The following NOL4 variants were observed in gnomAD, a reference collection of about 807,000 sequenced individuals.
The protein encoded by NOL4 is nucleolar protein 4.
Under a neutral mutation model 75.9 loss-of-function variants are expected in NOL4, and 17 were observed. The ratio of observed to expected loss-of-function variants is 0.22; its 90% CI spans 0.15 to 0.34. The LOEUF is 0.34. Ranked by LOEUF, NOL4 falls within the 10% of genes least tolerant of loss-of-function variation. The pLI is 1.00. For synonymous variants in NOL4, 292 were observed against 289.9 expected (o/e 1.01, Z -0.07); for missense variants, 614 against 793.5 (o/e 0.77, Z 2.72).
intron 4 of NOL4, among the ~76,000 whole-genome samples, chr18:34,097,666 T>C (rs917564481): frequency 1.3e-5 from 2 of 152,230 alleles, no homozygotes; most frequent in African/African-American, 2.4e-5. Context: ...GTTAAACTTA[T>C]ACATTCACAT....
In NOL4 at chr18:33,996,984, C is replaced by T. The variant is rs190452728; in HGVS notation, c.1056+22334G>A. On this transcript the variant is annotated intron_variant, in intron 6 of 10. Coordinates refer to ENST00000261592, the MANE Select transcript of NOL4 (RefSeq NM_003787.5). ...TTCAACTCTTAGTTTAAGTTCCTTA[C>T]GCATTCTGGATGTTGAACTTTTGTC... Among the ~76,000 whole-genome samples, 867 of 151,864 alleles carry T rather than the reference C, an allele frequency of 5.7e-3. 8 individuals carry two copies. The highest frequency in any genetic ancestry group is 0.01 in the Non-Finnish European group (692 of 67,822).
intron 6 of NOL4, among the ~76,000 whole-genome samples, chr18:33,960,653 C>G (rs912329485): frequency 6.6e-6 from 1 of 152,068 alleles, no homozygotes; most frequent in Admixed American, 6.6e-5. Context: ...CTATTCTAAG[C>G]CTTTTAAATA....
At chr18:33,986,633 C>A (rs554609366) in intron 6 of NOL4, among the ~76,000 whole-genome samples, 1 of 152,102 alleles carries the variant, frequency 6.6e-6, no homozygotes, top group Non-Finnish European at 1.5e-5. Context: ...AACCAAAGAT[C>A]GGGGGACTAC....
intron 9 of NOL4, among the ~76,000 whole-genome samples, chr18:33,911,011 G>A (rs758488176): frequency 2.6e-5 from 4 of 151,974 alleles, no homozygotes; most frequent in East Asian, 1.9e-4. Flanking sequence ...CTCTCTTCTC[G>A]GCTATAATTT....
At chr18:33,902,655 TCTTTTTTCATCAAGTTTGACTTTGAGTC>T (rs2065810205) in intron 9 of NOL4, among the ~76,000 whole-genome samples, 4 of 152,142 alleles carry the variant, frequency 2.6e-5, no homozygotes, top group Admixed American at 1.3e-4. Context: ...GAATGTGAGT[TCTTTTTTCATCAAGTTTGACTTTGAGTC>T]CTTTTTTCAT....
chr18:33,991,609 A>C (rs1568180573), intron 6 of NOL4, among the ~76,000 whole-genome samples: 1 of 151,972 alleles, frequency 6.6e-6, no homozygotes, highest in Admixed American at 6.6e-5. Flanking sequence ...GGGAATTATA[A>C]ATGGATCAAT....
chr18:34,096,655 C>T (rs1453366407), intron 4 of NOL4, among the ~76,000 whole-genome samples: 1 of 152,068 alleles, frequency 6.6e-6, no homozygotes, highest in Non-Finnish European at 1.5e-5. Context: ...GAAAAAAACT[C>T]TCCACATCAT....
intron 2 of NOL4, among the ~76,000 whole-genome samples, chr18:34,118,463 A>T (rs1010893919): frequency 1.3e-5 from 2 of 152,214 alleles, no homozygotes; most frequent in Non-Finnish European, 2.9e-5. Flanking sequence ...TAAATTGAAC[A>T]GAGCCTATAA....
At chr18:34,186,746 T>G (rs1028338968) in intron 1 of NOL4, among the ~76,000 whole-genome samples, 1 of 152,196 alleles carries the variant, frequency 6.6e-6, no homozygotes, top group African/African-American at 2.4e-5. Context: ...CCAGAACCAA[T>G]AAACTGCCTT....
chr18:34,006,730 T>C lies in NOL4; in HGVS notation c.1056+12588A>G, dbSNP rs559156064. Among the ~76,000 whole-genome samples the C allele has an allele frequency of 2.0e-5, 3 of 152,146 alleles. No individual in the cohort carries two copies. The South Asian group carries it at 6.2e-4, about 32-fold the overall frequency. ...TGGCAATAGGCCTATCCTGATAGAA[T>C]TCATTGGTCTTACTATGTTCCCTAC... On this transcript the variant is annotated intron_variant, in intron 6 of 10. Coordinates refer to ENST00000261592, the MANE Select transcript of NOL4 (RefSeq NM_003787.5).
intron 8 of NOL4, among the ~76,000 whole-genome samples, chr18:33,953,709 A>C (rs1479099940): frequency 6.6e-6 from 1 of 152,194 alleles, no homozygotes; most frequent in Non-Finnish European, 1.5e-5. Context: ...GTGCTGGAGA[A>C]TATAGAGTTC....
At chr18:34,054,705 G>T (rs2076760904) in intron 5 of NOL4, among the ~76,000 whole-genome samples, 1 of 151,580 alleles carries the variant, frequency 6.6e-6, no homozygotes, top group African/African-American at 2.4e-5. Flanking sequence ...TACATTTAAA[G>T]TCATTACTGA....
intron 8 of NOL4, among the ~76,000 whole-genome samples, chr18:33,947,463 T>C (rs1187482837): frequency 2.0e-5 from 3 of 151,760 alleles, no homozygotes; most frequent in Non-Finnish European, 4.4e-5. Context: ...AGGAATATTT[T>C]GATGCAAAAA....
chr18:33,876,628 A>C (rs1397779491), intron 10 of NOL4, among the ~76,000 whole-genome samples: 1 of 152,110 alleles, frequency 6.6e-6, no homozygotes, highest in African/African-American at 2.4e-5. Context: ...ACAGGGAATG[A>C]CTATTTTGAT....
In NOL4 at chr18:34,210,447, CATAATT is replaced by C. The variant is rs2036437526; in HGVS notation, c.264+12537_264+12542del. Reference sequence around the variant, plus strand: ...CTCAGTTTATGATATATTTAAATCACATAATTATAAGTGAAACTAGCAAAAAATAGT... The same window carrying C: ...CTCAGTTTATGATATATTTAAATCACATAAGTGAAACTAGCAAAAAATAGT... On this transcript the variant is annotated intron_variant, in intron 1 of 10. Coordinates refer to ENST00000261592, the MANE Select transcript of NOL4 (RefSeq NM_003787.5). 2.6e-5 allele frequency among the ~76,000 whole-genome samples: 4 copies of C among 152,208 alleles called. No individual in the cohort carries two copies. In the South Asian group the frequency reaches 8.3e-4, roughly 32 times the overall value.
At chr18:34,088,711 C>T (rs1338030731) in intron 5 of NOL4, among the ~76,000 whole-genome samples, 3 of 151,896 alleles carry the variant, frequency 2.0e-5, no homozygotes, top group Non-Finnish European at 4.4e-5. Context: ...TCTTTTAAGT[C>T]TGTAAAAAAA....
chr18:34,201,163 T>C (rs943600285), intron 1 of NOL4, among the ~76,000 whole-genome samples: 1 of 151,834 alleles, frequency 6.6e-6, no homozygotes, highest in South Asian at 2.1e-4. Flanking sequence ...CTGTTGGTTT[T>C]TTACATTATC....
At chr18:33,989,190 C>CAAAAAAAAAAA (rs55924436) in intron 6 of NOL4, among the ~76,000 whole-genome samples, 1 of 65,086 alleles carries the variant, frequency 1.5e-5, no homozygotes, top group Non-Finnish European at 2.7e-5. Flanking sequence ...CCCATCTCTA[C>CAAAAAAAAAAA]AAAAAAAAAA....
chr18:34,110,252 C>A (rs1484944156), intron 2 of NOL4, among the ~76,000 whole-genome samples: 2 of 150,366 alleles, frequency 1.3e-5, no homozygotes, highest in East Asian at 2.0e-4. Context: ...AAGTTTACAG[C>A]CAATTTCTCT....
Sources: gnomAD v4.1 joint callset for allele counts (sites outside exome capture counted in the v4.1 genomes callset) on GRCh38, gnomAD v4.1.1 for gene constraint, MANE v1.5 for transcripts, NCBI Gene and HGNC (gene_info 2026-07-23, HGNC 2026-07-21) for gene names.